The following DIS3L2 variants were observed in gnomAD, a reference collection of about 807,000 sequenced individuals.
DIS3L2 encodes the protein DIS3 like 3'-5' exoribonuclease 2.
Under a neutral mutation model 97.5 loss-of-function variants are expected in DIS3L2, and 34 were observed. The observed-to-expected ratio is 0.35, with a 90% confidence interval of 0.27 to 0.46. The LOEUF (loss-of-function observed/expected upper bound fraction) is 0.46, where lower values mean the gene tolerates loss of function less well. DIS3L2 is among the 20% of genes least tolerant of loss of function. DIS3L2 has a pLI of 1.00. For missense variants in DIS3L2, 1,038 were observed against 1,146.0 expected (o/e 0.91, Z 1.36); for synonymous variants, 435 against 445.2 (o/e 0.98, Z 0.29).
At chr2:232,133,948 A>G (rs12999753) in intron 7 of DIS3L2, among the ~76,000 whole-genome samples, 5 of 139,626 alleles carry the variant, frequency 3.6e-5, no homozygotes, top group Non-Finnish European at 7.6e-5. Flanking sequence ...AAATCGTGCC[A>G]CCGTATTCTA....
chr2:232,089,354 G>C (rs1696769117), intron 6 of DIS3L2, among the ~76,000 whole-genome samples: 1 of 152,154 alleles, frequency 6.6e-6, no homozygotes, highest in Non-Finnish European at 1.5e-5. Flanking sequence ...GGTAACTAGT[G>C]GTTTCCCTGT....
At chr2:232,169,088 C>T (rs962698599) in intron 9 of DIS3L2, among the ~76,000 whole-genome samples, 3 of 152,064 alleles carry the variant, frequency 2.0e-5, no homozygotes, top group Non-Finnish European at 4.4e-5. Context: ...GGAGGGGGTG[C>T]TTGGTGCAAG....
chr2:232,019,140 C>T (rs865990530), intron 3 of DIS3L2, among the ~76,000 whole-genome samples: 3 of 152,150 alleles, frequency 2.0e-5, no homozygotes, highest in Admixed American at 6.5e-5. Flanking sequence ...GTCATGATGT[C>T]GGAGTTCCTC....
At chr2:232,049,397 G>C (rs1236286323) in intron 5 of DIS3L2, among the ~76,000 whole-genome samples, 1 of 152,166 alleles carries the variant, frequency 6.6e-6, no homozygotes, top group East Asian at 1.9e-4. Flanking sequence ...CACCAGCGTT[G>C]GGAGATGTGG....
intron 8 of DIS3L2, among the ~76,000 whole-genome samples, chr2:232,157,875 G>A (rs1232796650): frequency 6.6e-6 from 1 of 152,188 alleles, no homozygotes; most frequent in African/African-American, 2.4e-5. Flanking sequence ...GCAGCGATGG[G>A]GACATACACG....
chr2:232,163,736 A>G (rs1431743706), intron 9 of DIS3L2, 104 bp downstream of exon 9: 3 of 1,352,320 alleles, frequency 2.2e-6, no homozygotes, highest in African/African-American at 2.9e-5. Flanking sequence ...ATTCAAGTTC[A>G]GTTCAGTTGG....
chr2:232,253,309 T>A (rs116283969), intron 12 of DIS3L2, among the ~76,000 whole-genome samples: 1 of 152,348 alleles, frequency 6.6e-6, no homozygotes, highest in African/African-American at 2.4e-5. Context: ...AGGGCTTTTG[T>A]GCCACCAGTG....
intron 6 of DIS3L2, among the ~76,000 whole-genome samples, chr2:232,122,434 A>G (rs1697933576): frequency 6.6e-6 from 1 of 152,160 alleles, no homozygotes; most frequent in Non-Finnish European, 1.5e-5. Context: ...AACTCGCTAC[A>G]GGCCAGGCAC....
At position 232,238,770 on chromosome 2, in the gene DIS3L2, C is replaced by G. The variant is rs1451971805; in HGVS notation, c.1317+125C>G. On this transcript the variant is annotated intron_variant, in intron 11 of 20. Coordinates refer to ENST00000325385, the MANE Select transcript of DIS3L2 (RefSeq NM_152383.5). ...GAAGCCAAAGGAAGACACAGGTGTT[C>G]ATCTGAGGCCTCATCCCAGAGTGGC... 3 of 795,880 alleles carry G rather than the reference C, an allele frequency of 3.8e-6. No homozygotes were observed. In the African/African-American group the frequency reaches 5.3e-5, roughly 14 times the overall value. The allele number at this position is 795,880 out of a possible 1,614,324, so 49.3% of individuals were successfully genotyped here.
intron 8 of DIS3L2, among the ~76,000 whole-genome samples, chr2:232,145,018 A>T (rs1345912079): frequency 6.6e-6 from 1 of 152,176 alleles, no homozygotes; most frequent in African/African-American, 2.4e-5. Context: ...CTAACTTACT[A>T]CTTTTTTCCC....
At chr2:232,302,568 T>TC (rs1694884471) in intron 14 of DIS3L2, among the ~76,000 whole-genome samples, 1 of 151,264 alleles carries the variant, frequency 6.6e-6, no homozygotes, top group South Asian at 2.1e-4. Context: ...TTTTTTTTTT[T>TC]TTCTATTTTT....
At chr2:232,026,254 A>G (rs1006563904) in intron 4 of DIS3L2, among the ~76,000 whole-genome samples, 11 of 152,128 alleles carry the variant, frequency 7.2e-5, no homozygotes, top group Admixed American at 2.0e-4. Flanking sequence ...ATATTATTCT[A>G]TATATTCCAT....
At chr2:232,023,197 CCAT>C (rs1694567273) in intron 3 of DIS3L2, 1 of 152,184 alleles carries the variant, frequency 6.6e-6, no homozygotes, top group Admixed American at 6.5e-5. Flanking sequence ...ATTATCTTCT[CCAT>C]CAGTGTGTCT....
At chr2:232,206,563 T>C (rs1305444074) in intron 9 of DIS3L2, among the ~76,000 whole-genome samples, 1 of 152,212 alleles carries the variant, frequency 6.6e-6, no homozygotes, top group African/African-American at 2.4e-5. Flanking sequence ...CATTTAAACA[T>C]GCAAAAACTG....
intron 5 of DIS3L2, among the ~76,000 whole-genome samples, chr2:232,049,035 C>G (rs1283220925): frequency 1.3e-5 from 2 of 152,072 alleles, no homozygotes; most frequent in Non-Finnish European, 2.9e-5. Context: ...CCATAAACAT[C>G]TCAGTTTATT....
intron 5 of DIS3L2, among the ~76,000 whole-genome samples, chr2:232,040,187 G>T (rs1487533136): frequency 6.6e-6 from 1 of 152,146 alleles, no homozygotes; most frequent in Non-Finnish European, 1.5e-5. Context: ...GAGAGGATTT[G>T]TTTTATTTCA....
At chr2:231,982,727 T>C (rs971022970) in intron 1 of DIS3L2, among the ~76,000 whole-genome samples, 2 of 151,910 alleles carry the variant, frequency 1.3e-5, no homozygotes, top group Non-Finnish European at 2.9e-5. Flanking sequence ...TTGCCCAGGC[T>C]GGAGTGTAGT....
intron 6 of DIS3L2, among the ~76,000 whole-genome samples, chr2:232,116,833 G>GAAC (rs67570957): frequency 3.3e-5 from 5 of 151,364 alleles, no homozygotes; most frequent in South Asian, 2.1e-4. Context: ...CAAACAAAAA[G>GAAC]AACAACAACA....
chr2:232,101,400 T>G (rs1574876147), intron 6 of DIS3L2, among the ~76,000 whole-genome samples: 1 of 4,254 alleles, frequency 2.4e-4, no homozygotes, highest in South Asian at 7.1e-3. Context: ...CCTAGATGTA[T>G]TTTTTGTATA....
Sources: allele counts gnomAD v4.1 joint callset (sites outside exome capture counted in the v4.1 genomes callset), GRCh38; gene constraint gnomAD v4.1.1; transcripts MANE v1.5; gene names NCBI Gene and HGNC (gene_info 2026-07-23, HGNC 2026-07-21).